RSPH10B: variants seen among roughly 807,000 people sequenced by gnomAD.
The protein encoded by RSPH10B is radial spoke head 10 homolog B (Chlamydomonas).
Under a neutral mutation model 52.5 loss-of-function variants are expected in RSPH10B, and 7 were observed. The ratio of observed to expected loss-of-function variants is 0.13; its 90% CI spans 0.08 to 0.25. The LOEUF is 0.25. Among genes scored for constraint, RSPH10B ranks in the 10% least tolerant of loss-of-function variants. The probability of loss-of-function intolerance (pLI) is 1.00; values close to 1 mark genes in which losing one functional copy is unlikely to be tolerated. For synonymous variants in RSPH10B, 28 were observed against 193.2 expected, an observed-to-expected ratio of 0.14 and a Z score of 7.09; for missense variants, 89 against 542.5, an observed-to-expected ratio of 0.16 and a Z score of 8.30.
chr7:5,929,348 T>C (rs1779695880), intron 17 of RSPH10B, among the ~76,000 whole-genome samples: 1 of 123,914 alleles, frequency 8.1e-6, no homozygotes, highest in Non-Finnish European at 1.6e-5. Flanking sequence ...CCCAGCTAAT[T>C]ATTATAGAGA....
chr7:5,940,129 A>T (rs1052278474), intron 13 of RSPH10B, among the ~76,000 whole-genome samples: 1 of 119,290 alleles, frequency 8.4e-6, no homozygotes, highest in Non-Finnish European at 1.9e-5. Context: ...CCCAGGAGGC[A>T]GAGGTTGCAG....
chr7:5,941,795 T>C (rs139053186), intron 13 of RSPH10B, among the ~76,000 whole-genome samples: 11,868 of 116,876 alleles, frequency 0.1, 708 homozygotes, highest in Non-Finnish European at 0.14. Flanking sequence ...TATGAGAACA[T>C]TGTATAAATG....
intron 17 of RSPH10B, among the ~76,000 whole-genome samples, chr7:5,928,766 C>T (rs530685754): frequency 1.4e-3 from 210 of 149,858 alleles, no homozygotes; most frequent in African/African-American, 5.0e-3. Context: ...CGAGTAGCTA[C>T]AGGCGTGCGC....
exon 19 of RSPH10B, chr7:5,926,271 TA>T (rs1779390454): frequency 1.4e-6 from 1 of 713,134 alleles, no homozygotes; most frequent in Non-Finnish European, 2.3e-6. Context: ...AGGGGTATGT[TA>T]AAACACTGTG....
intron 13 of RSPH10B, among the ~76,000 whole-genome samples, chr7:5,940,194 C>A (rs1780118299): frequency 1.9e-5 from 1 of 51,304 alleles, no homozygotes; most frequent in Non-Finnish European, 4.6e-5. Context: ...AAGACTGTCT[C>A]AAAATAATAA....
chr7:5,931,754 A>G (rs1779785402), intron 17 of RSPH10B, among the ~76,000 whole-genome samples: 1 of 151,128 alleles, frequency 6.6e-6, no homozygotes, highest in South Asian at 2.1e-4. Context: ...TAATCTCAGT[A>G]CTTTAGGAGG....
In RSPH10B at chr7:5,947,891, T is replaced by TGTGTGAGA. The variant is rs1216412138; in HGVS notation, c.1414+328_1414+329insTCTCACAC. Among the ~76,000 whole-genome samples, 86 of 92,774 alleles carry TGTGTGAGA rather than the reference T, an allele frequency of 9.3e-4. 8 individuals carry two copies. Among genetic ancestry groups the TGTGTGAGA allele is most frequent in the Non-Finnish European group, 1.3e-3 (56 of 42,096 alleles). 60.9% of individuals were successfully genotyped at this position (92,774 alleles called of 152,430 possible). A position where few individuals can be genotyped will look rare whatever the true frequency, so the allele number is the denominator to read the frequency against. Reference sequence around the variant, plus strand: ...GTGTGTGTGTGTGTGTGTGTGTGTGTGATGGAGTCTCGCCCTGTCACCCAG... The same window carrying TGTGTGAGA: ...GTGTGTGTGTGTGTGTGTGTGTGTGTGTGTGAGAGATGGAGTCTCGCCCTGTCACCCAG... On this transcript the variant is annotated intron_variant, in intron 10 of 18. Transcript: ENST00000337579.
At chr7:5,944,946 G>C (rs1313853340) in intron 11 of RSPH10B, 118 bp downstream of exon 13, 23 of 593,218 alleles carry the variant, frequency 3.9e-5, no homozygotes, top group Non-Finnish European at 6.8e-5. Flanking sequence ...CTGGGCGACA[G>C]AGCAAGACTC....
chr7:5,927,052 GTGTGTGTGTGTGTGTA>G (rs1562553104), intron 18 of RSPH10B, among the ~76,000 whole-genome samples: 1 of 49,584 alleles, frequency 2.0e-5, no homozygotes, highest in Non-Finnish European at 5.4e-5. Flanking sequence ...TGTGTATTAT[GTGTGTGTGTGTGTGTA>G]TATGTGTGTG....
intron 11 of RSPH10B, among the ~76,000 whole-genome samples, chr7:5,944,710 G>C (rs1432082585): frequency 2.2e-3 from 325 of 146,152 alleles, no homozygotes; most frequent in African/African-American, 8.3e-3. Context: ...TGTAATCCCA[G>C]AACTTTGAGA....
intron 18 of RSPH10B, among the ~76,000 whole-genome samples, chr7:5,927,022 C>CGTGTGTGTGTGT (rs373901374): frequency 4.9e-4 from 47 of 95,992 alleles, no homozygotes; most frequent in African/African-American, 2.0e-3. Flanking sequence ...CCCAAAGTTA[C>CGTGTGTGTGTGT]GTGTGTGTGT....
intron 17 of RSPH10B, among the ~76,000 whole-genome samples, chr7:5,932,292 TGTG>T (rs1202274488): frequency 1.8e-3 from 210 of 119,246 alleles, no homozygotes; most frequent in African/African-American, 6.7e-3. Context: ...ATAAGGGTTG[TGTG>T]TTGTTTTTAA....
intron 3 of RSPH10B, among the ~76,000 whole-genome samples, chr7:5,964,157 GC>G (rs1781020653): frequency 6.9e-6 from 1 of 145,852 alleles, no homozygotes; most frequent in South Asian, 2.1e-4. Flanking sequence ...AGCAAGACAG[GC>G]TACAGAAGTT....
intron 11 of RSPH10B, 92 bp downstream of exon 13, chr7:5,944,972 A>T (rs1780414196): frequency 2.0e-6 from 1 of 497,798 alleles, no homozygotes; most frequent in African/African-American, 2.1e-5. Context: ...CCAAAAAAAT[A>T]AAAATGACTG....
chr7:5,943,516 G>C (rs565118804), intron 12 of RSPH10B, 44 bp from the exon 15 acceptor site: 2 of 1,609,592 alleles, frequency 1.2e-6, no homozygotes, highest in African/African-American at 2.7e-5. Context: ...TTTATGTTTT[G>C]AGAAAAAAAT....
At chr7:5,947,646 C>G (rs149922193) in intron 10 of RSPH10B, among the ~76,000 whole-genome samples, 21,981 of 92,840 alleles carry the variant, frequency 0.24, 1,153 homozygotes, top group East Asian at 0.46. Flanking sequence ...ACCCAGGAGA[C>G]AGAGGTTGCG....
At chr7:5,927,904 C>G (rs1171386115) in intron 18 of RSPH10B, 4 of 508,956 alleles carry the variant, frequency 7.9e-6, no homozygotes, top group Non-Finnish European at 1.4e-5. Context: ...CCACCCCACT[C>G]TAGCCTGGGT....
At chr7:5,932,009 AAAG>A (rs1419877761) in intron 17 of RSPH10B, among the ~76,000 whole-genome samples, 3 of 150,458 alleles carry the variant, frequency 2.0e-5, no homozygotes, top group Admixed American at 6.7e-5. Flanking sequence ...AAAGAAAAGA[AAAG>A]AAAAGGGGAA....
exon 6 of RSPH10B, chr7:5,957,929 C>T (rs1780785526): frequency 7.6e-7 from 1 of 1,316,766 alleles, no homozygotes; most frequent in African/African-American, 1.8e-5. Flanking sequence ...CTCCCACCGC[C>T]CGGTGTACTC....
Sources: allele counts gnomAD v4.1 joint callset (sites outside exome capture counted in the v4.1 genomes callset), GRCh38; gene constraint gnomAD v4.1.1; transcripts MANE v1.5; gene names NCBI Gene and HGNC (gene_info 2026-07-23, HGNC 2026-07-21).